Variants in NKAIN3 observed in about 807,000 individuals in gnomAD.
NKAIN3 encodes the protein sodium/potassium-transporting ATPase subunit beta-1-interacting protein 3.
A neutral mutation model predicts 30.2 loss-of-function variants in NKAIN3; 25 were observed. The observed-to-expected ratio is 0.83, with a 90% confidence interval of 0.60 to 1.16. The LOEUF (loss-of-function observed/expected upper bound fraction) is 1.16. NKAIN3 is among the 50% of genes most tolerant of loss of function. The pLI, the probability that NKAIN3 is intolerant of heterozygous loss-of-function variation, is 0.00. For synonymous variants in NKAIN3, 91 were observed against 89.6 expected (o/e 1.02, Z -0.09); for missense variants, 225 against 254.1 (o/e 0.89, Z 0.78).
intron 1 of NKAIN3, among the ~76,000 whole-genome samples, chr8:62,288,352 A>T (rs1167343681): frequency 6.6e-6 from 1 of 152,000 alleles, no homozygotes; most frequent in Non-Finnish European, 1.5e-5. Flanking sequence ...TTAACTCATT[A>T]TTTACATTAG....
At chr8:62,882,676 A>C (rs1338809166) in intron 4 of NKAIN3, among the ~76,000 whole-genome samples, 1 of 152,114 alleles carries the variant, frequency 6.6e-6, no homozygotes, top group East Asian at 1.9e-4. Flanking sequence ...TTTTTTTTAC[A>C]TATTCAAGGA....
At position 62,965,621 on chromosome 8, in the gene NKAIN3, A is replaced by G. The variant is rs1585630129; in HGVS notation, c.*214A>G. 3 of 171,696 alleles carry G rather than the reference A, an allele frequency of 1.7e-5. No homozygotes were observed. Among genetic ancestry groups the G allele is most frequent in the African/African-American group, 9.4e-5 (1 of 10,694 alleles). The allele number at this position is 171,696 out of a possible 1,614,324, so 10.6% of individuals were successfully genotyped here. The stretch of plus-strand genomic sequence containing the variant: ...TCTTATATGAACACTTGTAAGTTGT[A>G]AAAAAAAAAAAAAAAGAAAAAACAG... On this transcript the variant is annotated 3_prime_UTR_variant, in exon 7 of 7. Transcript: ENST00000623646.
chr8:62,549,003 A>G (rs1331698895), intron 1 of NKAIN3, among the ~76,000 whole-genome samples: 3 of 152,140 alleles, frequency 2.0e-5, no homozygotes, highest in Admixed American at 2.0e-4. Flanking sequence ...TTCCCTCCAC[A>G]TGCTTAATCT....
intron 1 of NKAIN3, among the ~76,000 whole-genome samples, chr8:62,326,977 TTTTTG>T (rs1815163250): frequency 6.6e-6 from 1 of 152,020 alleles, no homozygotes; most frequent in Non-Finnish European, 1.5e-5. Context: ...CTATTTTCTG[TTTTTG>T]TTTTGTTTTG....
At chr8:62,910,399 CT>C (rs1329711211) in intron 4 of NKAIN3, among the ~76,000 whole-genome samples, 2 of 152,112 alleles carry the variant, frequency 1.3e-5, no homozygotes, top group African/African-American at 4.8e-5. Context: ...TCCCAAACCT[CT>C]CTTTGAATTT....
chr8:62,637,852 C>A (rs903742896), intron 3 of NKAIN3, among the ~76,000 whole-genome samples: 1 of 152,058 alleles, frequency 6.6e-6, no homozygotes, highest in Non-Finnish European at 1.5e-5. Flanking sequence ...TCAGGTTCCA[C>A]AAGGTGAGAT....
chr8:62,919,179 C>A (rs1253217219), intron 5 of NKAIN3, among the ~76,000 whole-genome samples: 3 of 134,818 alleles, frequency 2.2e-5, no homozygotes, highest in African/African-American at 8.6e-5. Flanking sequence ...TAAGACACTT[C>A]TTGGCACAAC....
intron 3 of NKAIN3, among the ~76,000 whole-genome samples, chr8:62,643,825 T>TAG (rs60729248): frequency 0.081 from 12,285 of 152,106 alleles, 1,083 homozygotes; most frequent in African/African-American, 0.23. Context: ...CTTGTTGTTT[T>TAG]TTATATATAA....
intron 1 of NKAIN3, among the ~76,000 whole-genome samples, chr8:62,555,388 AT>A (rs1355118085): frequency 6.6e-6 from 1 of 152,158 alleles, no homozygotes; most frequent in Non-Finnish European, 1.5e-5. Context: ...GACTAAGCAT[AT>A]TTGAATAAGA....
intron 5 of NKAIN3, among the ~76,000 whole-genome samples, chr8:62,946,605 C>T (rs576964215): frequency 2.0e-5 from 3 of 152,182 alleles, no homozygotes; most frequent in African/African-American, 7.2e-5. Context: ...CAAGCCTCTT[C>T]CCCAGCTTTA....
At chr8:62,826,677 A>T (rs934422894) in intron 4 of NKAIN3, among the ~76,000 whole-genome samples, 1 of 152,192 alleles carries the variant, frequency 6.6e-6, no homozygotes, top group Non-Finnish European at 1.5e-5. Context: ...TGATCTCATT[A>T]GTACCTGCTG....
intron 3 of NKAIN3, among the ~76,000 whole-genome samples, chr8:62,726,548 A>ATG (rs1165766966): frequency 6.6e-6 from 1 of 152,094 alleles, no homozygotes; most frequent in African/African-American, 2.4e-5. Flanking sequence ...ATCAGTTGAA[A>ATG]TGATCACATG....
At chr8:62,864,666 G>A (rs1586284972) in intron 4 of NKAIN3, among the ~76,000 whole-genome samples, 1 of 152,180 alleles carries the variant, frequency 6.6e-6, no homozygotes, top group Non-Finnish European at 1.5e-5. Context: ...TGCTTTCTGA[G>A]GGATCACCAC....
intron 4 of NKAIN3, among the ~76,000 whole-genome samples, chr8:62,826,020 TATA>T (rs1184375277): frequency 3.3e-5 from 5 of 152,214 alleles, no homozygotes; most frequent in African/African-American, 7.2e-5. Context: ...CTCACTCTAA[TATA>T]ATACTTGCTC....
rs911445675 is a variant in NKAIN3, at chr8:62,640,685, G to A, written c.273+50891G>A. Among the ~76,000 whole-genome samples the A allele has an allele frequency of 7.2e-5, 11 of 152,036 alleles. No individual in the cohort carries two copies. The East Asian group carries it at 7.8e-4, about 11-fold the overall frequency. On this transcript the variant is annotated intron_variant, in intron 3 of 6. Coordinates refer to ENST00000623646, the MANE Select transcript of NKAIN3 (RefSeq NM_001304533.3). ...AATCATTGCTCTTTTTCCTCTGCGC[G>A]CACCCAGCCTGGCAAACACGTCTGG...
At chr8:62,855,825 G>A in intron 4 of NKAIN3, 1 of 872,344 alleles carries the variant, frequency 1.1e-6, no homozygotes, top group Non-Finnish European at 1.9e-6. Flanking sequence ...GAATCCTGGA[G>A]GAGTCACCAG....
At chr8:62,990,373 A>G (rs977934625) in intron 5 of NKAIN3, 2 of 1,242,540 alleles carry the variant, frequency 1.6e-6, no homozygotes, top group Non-Finnish European at 2.0e-6. Context: ...GTGCAGTCTA[A>G]TATATAAATT....
chr8:62,954,410 G>A (rs1467752609), intron 6 of NKAIN3, among the ~76,000 whole-genome samples: 1 of 152,082 alleles, frequency 6.6e-6, no homozygotes, highest in East Asian at 1.9e-4. Flanking sequence ...GTTTCACAGG[G>A]GGGAAATAGA....
intron 1 of NKAIN3, among the ~76,000 whole-genome samples, chr8:62,499,334 A>G (rs1807343534): frequency 6.6e-6 from 1 of 151,996 alleles, no homozygotes. Flanking sequence ...ACTTCGCAGT[A>G]CTCATGGTAT....
Sources: gnomAD v4.1 joint callset for allele counts (sites outside exome capture counted in the v4.1 genomes callset) on GRCh38, gnomAD v4.1.1 for gene constraint, MANE v1.5 for transcripts, NCBI Gene and HGNC (gene_info 2026-07-23, HGNC 2026-07-21) for gene names.